BCAS3: variants seen among roughly 807,000 people sequenced by gnomAD.
BCAS3 encodes the protein BCAS3 microtubule associated cell migration factor.
BCAS3 carries 53 observed loss-of-function variants against 116.1 expected under a neutral mutation model. The observed-to-expected ratio is 0.46, with a 90% CI of 0.37 to 0.57. The LOEUF (loss-of-function observed/expected upper bound fraction) is 0.57, where lower values mean the gene tolerates loss of function less well. BCAS3 is among the 20% of genes least tolerant of loss of function. BCAS3 has a pLI of 0.00. For synonymous variants in BCAS3, 391 were observed against 408.2 expected (o/e 0.96, Z 0.51); for missense variants, 917 against 1,165.4 (o/e 0.79, Z 3.10).
rs1388155154 is a variant in BCAS3 at position 61,313,388 on chromosome 17, C to A, written c.2426-54939C>A. ...TTCTACTTAAAATATGAGGAAACATCTGGAATATTAGTTTTCAACCACATT... is the reference window on the plus strand; with the variant it reads ...TTCTACTTAAAATATGAGGAAACATATGGAATATTAGTTTTCAACCACATT... On this transcript the variant is annotated intron_variant, in intron 22 of 23. Coordinates refer to ENST00000407086, the MANE Select transcript of BCAS3 (RefSeq NM_017679.5). This position sits in a 1 kb window ranked among gnomAD's most constrained non-coding sequence, Gnocchi z 4.3. Among the ~76,000 whole-genome samples, 1 of 152,190 alleles carries A rather than the reference C, an allele frequency of 6.6e-6. No individual in the cohort carries two copies. The highest frequency in any genetic ancestry group is 2.4e-5 in the African/African-American group (1 of 41,454).
chr17:61,301,712 A>T (rs966667726), intron 22 of BCAS3, among the ~76,000 whole-genome samples: 1 of 152,226 alleles, frequency 6.6e-6, no homozygotes, highest in African/African-American at 2.4e-5. Context: ...ATTATAATTG[A>T]TATAAATGCA....
Position 61,327,067 on chromosome 17 carries a change from A to C in BCAS3, c.2426-41260A>C, listed in dbSNP as rs1003262121. On this transcript the variant is annotated intron_variant, in intron 22 of 23. Transcript: ENST00000407086. The surrounding 1 kb of genome is among the most constrained non-coding windows in gnomAD (Gnocchi z 5.9). ...ACACCTGTAATCCCAGCACTTTGGG[A>C]GGCCGAGGTAGGCAGATCATGAGGT... Among the ~76,000 whole-genome samples the C allele has an allele frequency of 5.9e-5, 9 of 152,208 alleles. No individual in the cohort carries two copies. Among genetic ancestry groups the C allele is most frequent in the African/African-American group, 2.2e-4 (9 of 41,446 alleles).
At chr17:61,102,636 G>A (rs1478513128) in intron 22 of BCAS3, among the ~76,000 whole-genome samples, 3 of 152,100 alleles carry the variant, frequency 2.0e-5, no homozygotes, top group African/African-American at 7.2e-5. Flanking sequence ...TTTTTGAATA[G>A]ACGTGTGTAA....
chr17:61,340,008 G>A (rs930240108), intron 22 of BCAS3, among the ~76,000 whole-genome samples: 1 of 152,162 alleles, frequency 6.6e-6, no homozygotes, highest in Non-Finnish European at 1.5e-5. Context: ...TGTTGAAAAA[G>A]AAACGGGGAC....
rs1483291308 is a variant in BCAS3 at position 60,747,204 on chromosome 17, G to A, written c.328G>A (p.Gly110Ser). The change falls in exon 6 of 24, where the codon GGT (glycine) becomes AGT (serine). Residue 110 changes from glycine to serine, a missense_variant. Transcript: ENST00000407086. ...GMQVWSIPIS[G>S]EAQELFSVRH... ...TCTTTCTTCTCTTATGCAGATCAGT[G>A]GTGAAGCACAAGAGCTCTTCTCTGT... 5 of 1,610,256 alleles carry A rather than the reference G, an allele frequency of 3.1e-6. No individual in the cohort carries two copies. The African/African-American group carries it at 6.7e-5, about 22-fold the overall frequency.
rs1013768896 is a variant in BCAS3, at chr17:61,302,121, C to T, written c.2426-66206C>T. Among the ~76,000 whole-genome samples, 1 of 152,160 alleles carries T rather than the reference C, an allele frequency of 6.6e-6. No homozygotes were observed. The highest frequency in any genetic ancestry group is 6.5e-5 in the Admixed American group (1 of 15,280). ...CTCTACACATACAGTCAGCTCATTACCTCCTCCCTGTCCCACTCTTGCCAT... is the reference window on the plus strand; with the variant it reads ...CTCTACACATACAGTCAGCTCATTATCTCCTCCCTGTCCCACTCTTGCCAT... On this transcript the variant is annotated intron_variant, in intron 22 of 23. Transcript: ENST00000407086. This position sits in a 1 kb window ranked among gnomAD's most constrained non-coding sequence, Gnocchi z 4.4.
intron 14 of BCAS3, among the ~76,000 whole-genome samples, chr17:60,987,878 A>G (rs1785581796): frequency 6.6e-6 from 1 of 152,114 alleles, no homozygotes; most frequent in African/African-American, 2.4e-5. Flanking sequence ...AACAGTGATT[A>G]AAGTAGGCAT....
Position 61,316,616 on chromosome 17 carries a change from C to G in BCAS3, c.2426-51711C>G, listed in dbSNP as rs1237718013. 6.6e-6 allele frequency among the ~76,000 whole-genome samples: 1 copy of G among 151,738 alleles called. No individual in the cohort carries two copies. Among genetic ancestry groups the G allele is most frequent in the African/African-American group, 2.4e-5 (1 of 41,262 alleles). On this transcript the variant is annotated intron_variant, in intron 22 of 23. Transcript: ENST00000407086. The surrounding 1 kb of genome is among the most constrained non-coding windows in gnomAD (Gnocchi z 5.8). ...ACTCAGAGGGGCCTGCAGCTGGTAT[C>G]TGATAAAATAAAGGAAAGGTTAGAG...
chr17:61,079,509 T>G (rs1568306267), intron 21 of BCAS3, among the ~76,000 whole-genome samples: 1 of 152,192 alleles, frequency 6.6e-6, no homozygotes, highest in Non-Finnish European at 1.5e-5. Context: ...GCCGGCTGCC[T>G]ACTTGGGTCT....
intron 19 of BCAS3, among the ~76,000 whole-genome samples, chr17:61,060,819 A>G (rs1025242030): frequency 4.6e-5 from 7 of 152,202 alleles, no homozygotes; most frequent in African/African-American, 1.4e-4. Flanking sequence ...ATTCTTCACT[A>G]TACATCTGAT....
intron 14 of BCAS3, among the ~76,000 whole-genome samples, chr17:60,974,048 A>C (rs571785932): frequency 6.6e-6 from 1 of 152,216 alleles, no homozygotes; most frequent in Non-Finnish European, 1.5e-5. Flanking sequence ...CCCCCCTCCT[A>C]CCCAAATAAC....
intron 22 of BCAS3, among the ~76,000 whole-genome samples, chr17:61,182,563 T>C (rs1430626716): frequency 6.6e-6 from 1 of 152,328 alleles, no homozygotes; most frequent in East Asian, 1.9e-4. Flanking sequence ...AGTATACAAT[T>C]TAATGATTTC....
At chr17:61,064,933 T>C (rs1346400043) in intron 19 of BCAS3, among the ~76,000 whole-genome samples, 5 of 152,232 alleles carry the variant, frequency 3.3e-5, no homozygotes, top group Non-Finnish European at 7.3e-5. Context: ...CAGCCAGTGA[T>C]ATTCTGTGGA....
rs952145155 is a variant in BCAS3, at chr17:61,276,037, T to C, written c.2426-92290T>C. Among the ~76,000 whole-genome samples the C allele has an allele frequency of 6.6e-6, 1 of 152,168 alleles. No individual in the cohort carries two copies. The highest frequency in any genetic ancestry group is 1.9e-4 in the East Asian group (1 of 5,200). Reference sequence around the variant, plus strand: ...CAACCTATTTTGCAAGGTTGTAGGATATACTATCAGTATATAAAAATCACT... The same window carrying C: ...CAACCTATTTTGCAAGGTTGTAGGACATACTATCAGTATATAAAAATCACT... On this transcript the variant is annotated intron_variant, in intron 22 of 23. Transcript: ENST00000407086. This position sits in a 1 kb window ranked among gnomAD's most constrained non-coding sequence, Gnocchi z 4.2.
chr17:60,804,567 A>G (rs2144608015), intron 6 of BCAS3, among the ~76,000 whole-genome samples: 1 of 152,220 alleles, frequency 6.6e-6, no homozygotes, highest in African/African-American at 2.4e-5. Context: ...TCCACTTTAT[A>G]TCTTCTATCT....
At chr17:60,729,433 A>G (rs552734405) in intron 5 of BCAS3, among the ~76,000 whole-genome samples, 1 of 151,858 alleles carries the variant, frequency 6.6e-6, no homozygotes, top group Non-Finnish European at 1.5e-5. Context: ...AAATTGCCCA[A>G]GGTTTTCCAA....
At position 61,145,272 on chromosome 17, in the gene BCAS3, A is replaced by T. The variant is rs2077134683; in HGVS notation, c.2425+60708A>T. ...TCTTCACCTTTGCTGATGGTTCTGC[A>T]ACTCATCACCAGCTATGCAAACTGA... On this transcript the variant is annotated intron_variant, in intron 22 of 23. Transcript: ENST00000407086. The surrounding 1 kb of genome is among the most constrained non-coding windows in gnomAD (Gnocchi z 5.0). Among the ~76,000 whole-genome samples the T allele has an allele frequency of 6.6e-6, 1 of 152,192 alleles. No individual in the cohort carries two copies. The highest frequency in any genetic ancestry group is 1.9e-4 in the East Asian group (1 of 5,196).
At chr17:61,209,884 G>A (rs182341276) in intron 22 of BCAS3, among the ~76,000 whole-genome samples, 8 of 152,270 alleles carry the variant, frequency 5.3e-5, no homozygotes, top group African/African-American at 1.9e-4. Flanking sequence ...GGCCAGTTAA[G>A]GGATCTGTCA....
intron 4 of BCAS3, among the ~76,000 whole-genome samples, chr17:60,697,600 A>G (rs1056962997): frequency 2.0e-5 from 3 of 151,568 alleles, no homozygotes; most frequent in African/African-American, 7.3e-5. Context: ...AAAAAAAAAA[A>G]AAAGATTCGG....
Sources: gnomAD v4.1 joint callset for allele counts (sites outside exome capture counted in the v4.1 genomes callset) on GRCh38, gnomAD v4.1.1 for gene constraint, Gnocchi (gnomAD v3.1) non-coding constraint, MANE v1.5 for transcripts, NCBI Gene and HGNC (gene_info 2026-07-23, HGNC 2026-07-21) for gene names.